The following TEC variants were observed in gnomAD, a reference collection of about 807,000 sequenced individuals.
TEC encodes tyrosine-protein kinase Tec.
Under a neutral mutation model 93.0 loss-of-function variants are expected in TEC, and 72 were observed. The observed-to-expected ratio is 0.77, with a 90% CI of 0.64 to 0.94. The LOEUF (loss-of-function observed/expected upper bound fraction) is 0.94, where lower values mean the gene tolerates loss of function less well. Ranked by LOEUF, TEC falls within the 40% of genes least tolerant of loss-of-function variation. The pLI is 0.00. For synonymous variants in TEC, 249 were observed against 247.7 expected (o/e 1.01, Z -0.05); for missense variants, 630 against 757.9 (o/e 0.83, Z 1.98).
Position 48,156,986 on chromosome 4 carries a change from C to T in TEC, c.738-252G>A, listed in dbSNP as rs77400418. ...GTTTCATTAAAGTGAGATCAAACTA[C>T]ATAGGCTATACGATAACCTGAATTT... On this transcript the variant is annotated intron_variant, in intron 8 of 17. Coordinates refer to ENST00000381501, the MANE Select transcript of TEC (RefSeq NM_003215.3). 3.0e-3 allele frequency among the ~76,000 whole-genome samples: 452 copies of T among 152,294 alleles called. 1 individual carries two copies. Among genetic ancestry groups the T allele is most frequent in the Non-Finnish European group, 3.4e-3 (228 of 68,024 alleles).
intron 2 of TEC, among the ~76,000 whole-genome samples, chr4:48,190,794 T>C (rs1722066583): frequency 6.6e-6 from 1 of 152,198 alleles, no homozygotes; most frequent in Non-Finnish European, 1.5e-5. Flanking sequence ...ATGTAAATGA[T>C]GGGAAAACTA....
Position 48,168,573 on chromosome 4 carries a change from A to G in TEC, c.495+13T>C. 1.2e-6 allele frequency: 2 copies of G among 1,611,570 alleles called. No individual in the cohort carries two copies. Among genetic ancestry groups the G allele is most frequent in the East Asian group, 4.5e-5 (2 of 44,804 alleles). ...ATGTAAAGATTAACTATCAAAAGCT[A>G]AAGACCACCTACCTTCTTTGTTTCT... On this transcript the variant is annotated intron_variant, in intron 6 of 17. Transcript: ENST00000381501.
At chr4:48,158,853 A>T (rs1427963713) in intron 8 of TEC, among the ~76,000 whole-genome samples, 10 of 152,160 alleles carry the variant, frequency 6.6e-5, no homozygotes. Context: ...TCCTGTTCTG[A>T]GGGATCATTT....
chr4:48,157,326 A>C lies in TEC; in HGVS notation c.738-592T>G, dbSNP rs1265781736. On this transcript the variant is annotated intron_variant, in intron 8 of 17. Transcript: ENST00000381501. ...GAATTTCACAAAGGTCCCAGGTGAC[A>C]AAAGAAACGGCAAAACATAAGCACA... is the stretch of plus-strand genomic sequence containing the variant. 2.6e-5 allele frequency among the ~76,000 whole-genome samples: 4 copies of C among 152,216 alleles called. No individual in the cohort carries two copies. In the East Asian group the frequency reaches 7.7e-4, roughly 29 times the overall value.
At chr4:48,179,355 TATATATATATATATATATATA>T (rs1560393093) in intron 2 of TEC, among the ~76,000 whole-genome samples, 10 of 34,110 alleles carry the variant, frequency 2.9e-4, no homozygotes, top group African/African-American at 5.2e-4. Context: ...TATATATATA[TATATATATATATATATATATA>T]TTTTTTTTTT....
rs1577701375 is a variant in TEC at position 48,150,730 on chromosome 4, G to A, written c.872+133C>T. 9 of 595,748 alleles carry A rather than the reference G, an allele frequency of 1.5e-5. No individual in the cohort carries two copies. In the East Asian group the frequency reaches 2.6e-4, roughly 17 times the overall value. 36.9% of individuals were successfully genotyped at this position (595,748 alleles called of 1,614,324 possible). On this transcript the variant is annotated intron_variant, in intron 10 of 17. Coordinates refer to ENST00000381501, the MANE Select transcript of TEC (RefSeq NM_003215.3). ...TACAAAAAACAGTATATACACTTTA[G>A]AAATCAAGTTCAGGTTTTCTTTTTA...
chr4:48,141,704 CAG>C (rs35900565), intron 14 of TEC: 77,653 of 231,962 alleles, frequency 0.33, 15,140 homozygotes, highest in East Asian at 0.62. Flanking sequence ...TTTTTTGAGA[CAG>C]AGTCTGCCTC....
intron 2 of TEC, among the ~76,000 whole-genome samples, chr4:48,219,098 CATT>C (rs1723170716): frequency 6.6e-6 from 1 of 152,162 alleles, no homozygotes; most frequent in East Asian, 1.9e-4. Context: ...TTATTATAAA[CATT>C]ATTAATCATT....
intron 7 of TEC, 23 bp from the exon 8 acceptor site, chr4:48,163,790 A>C: frequency 7.5e-7 from 1 of 1,328,080 alleles, no homozygotes; most frequent in Non-Finnish European, 1.0e-6. Flanking sequence ...AAAATACTTT[A>C]GGTAAACTTA....
At chr4:48,175,581 G>T (rs1240941754) in intron 3 of TEC, among the ~76,000 whole-genome samples, 3 of 152,192 alleles carry the variant, frequency 2.0e-5, no homozygotes, top group African/African-American at 7.2e-5. Flanking sequence ...CTTCTGGAGA[G>T]GAGATGCGCG....
chr4:48,237,874 T>C (rs1483806120), intron 1 of TEC, among the ~76,000 whole-genome samples: 1 of 152,234 alleles, frequency 6.6e-6, no homozygotes, highest in Non-Finnish European at 1.5e-5. Flanking sequence ...ACTATTTGTT[T>C]GCAATTTTAG....
chr4:48,257,333 T>C (rs2109676181), intron 1 of TEC, among the ~76,000 whole-genome samples: 1 of 152,308 alleles, frequency 6.6e-6, no homozygotes, highest in African/African-American at 2.4e-5. Flanking sequence ...CATCTTAAGG[T>C]CTATATAGTT....
intron 2 of TEC, among the ~76,000 whole-genome samples, chr4:48,198,471 G>A (rs879665072): frequency 6.6e-6 from 1 of 152,182 alleles, no homozygotes. Flanking sequence ...TAGCCAACCT[G>A]GTACTGGAAT....
intron 5 of TEC, among the ~76,000 whole-genome samples, chr4:48,168,991 C>A (rs75564152): frequency 6.6e-6 from 1 of 152,140 alleles, no homozygotes; most frequent in Non-Finnish European, 1.5e-5. Context: ...CCTCTACAGT[C>A]CACAGTCCTA....
At chr4:48,150,972 T>C in intron 9 of TEC, 30 bp from the exon 10 acceptor site, 1 of 1,384,714 alleles carries the variant, frequency 7.2e-7, no homozygotes, top group Non-Finnish European at 1.0e-6. Context: ...AAAATTTTTT[T>C]TACTCTAATT....
chr4:48,184,638 T>C (rs977935943), intron 2 of TEC, among the ~76,000 whole-genome samples: 3 of 152,148 alleles, frequency 2.0e-5, no homozygotes, highest in African/African-American at 7.2e-5. Context: ...CACCACTGAA[T>C]TGTTTTGTGT....
chr4:48,160,737 A>AAAAG (rs200782202), intron 8 of TEC, among the ~76,000 whole-genome samples: 35,531 of 130,760 alleles, frequency 0.27, 5,587 homozygotes, highest in East Asian at 0.63. Flanking sequence ...CAGAAAAAAA[A>AAAAG]AAAGAAAGAA....
chr4:48,152,454 A>AAATG (rs560581906), intron 9 of TEC, among the ~76,000 whole-genome samples: 159 of 151,908 alleles, frequency 1.0e-3, no homozygotes, highest in African/African-American at 3.7e-3. Flanking sequence ...ATAAATAAAT[A>AAATG]AATAAATAAA....
intron 2 of TEC, among the ~76,000 whole-genome samples, chr4:48,212,113 ATATAT>A (rs1560410856): frequency 2.5e-5 from 2 of 81,504 alleles, no homozygotes; most frequent in African/African-American, 3.7e-5. Flanking sequence ...AAAAAAAAAT[ATATAT>A]ATATATATAT....
Sources: allele counts gnomAD v4.1 joint callset (sites outside exome capture counted in the v4.1 genomes callset), GRCh38; gene constraint gnomAD v4.1.1; transcripts MANE v1.5; gene names NCBI Gene and HGNC (gene_info 2026-07-23, HGNC 2026-07-21).